Variants in OLA1 observed in about 807,000 individuals in gnomAD.
The protein encoded by OLA1 is Obg like ATPase 1, also known as obg-like ATPase 1.
A neutral mutation model predicts 48.4 loss-of-function variants in OLA1; 14 were observed. The observed-to-expected ratio is 0.29, with a 90% CI of 0.19 to 0.45. The LOEUF (loss-of-function observed/expected upper bound fraction) is 0.45. Among genes scored for constraint, OLA1 ranks in the 20% least tolerant of loss-of-function variants. The pLI, the probability that OLA1 is intolerant of heterozygous loss-of-function variation, is 1.00. For missense variants in OLA1, 325 were observed against 467.1 expected, an observed-to-expected ratio of 0.70 and a Z score of 2.80; for synonymous variants, 127 against 150.4, an observed-to-expected ratio of 0.84 and a Z score of 1.14.
chr2:174,185,452 A>G (rs1440238997), intron 4 of OLA1, among the ~76,000 whole-genome samples: 5 of 152,192 alleles, frequency 3.3e-5, no homozygotes, highest in Non-Finnish European at 5.9e-5. Context: ...TCATCTAGAA[A>G]TCTATAAATA....
At chr2:174,112,418 T>C (rs1352483870) in intron 7 of OLA1, among the ~76,000 whole-genome samples, 1 of 152,188 alleles carries the variant, frequency 6.6e-6, no homozygotes, top group Non-Finnish European at 1.5e-5. Flanking sequence ...AAGTGTGAAG[T>C]GTTGACTGAA....
Position 174,079,061 on chromosome 2 carries a change from T to C in OLA1, c.996A>G (p.Gly332=). Residue 332 remains glycine (G), a synonymous_variant, in exon 10 of 11, where the codon GGA becomes GGG. Coordinates refer to ENST00000284719, the MANE Select transcript of OLA1 (RefSeq NM_013341.5). The part of the protein sequence containing the change: ...RKGTKAPQAA[G]KIHTDFEKGF... ...CCTTTTCAAAATCTGTGTGAATCTTTCCTGCAGCCTGAGGAGCCTTAGTCC... is the reference window on the plus strand; with the variant it reads ...CCTTTTCAAAATCTGTGTGAATCTTCCCTGCAGCCTGAGGAGCCTTAGTCC... 1.2e-6 allele frequency: 2 copies of C among 1,604,030 alleles called. No individual in the cohort carries two copies. Among genetic ancestry groups the C allele is most frequent in the Non-Finnish European group, 1.7e-6 (2 of 1,175,246 alleles).
Position 174,123,168 on chromosome 2 carries a change from G to T in OLA1, c.728+12C>A, listed in dbSNP as rs1685957288. 3.8e-6 allele frequency: 5 copies of T among 1,329,100 alleles called. No individual in the cohort carries two copies. Among genetic ancestry groups the T allele is most frequent in the Non-Finnish European group, 5.4e-6 (5 of 926,238 alleles). 82.3% of individuals were successfully genotyped at this position (1,329,100 alleles called of 1,614,324 possible). On this transcript the variant is annotated intron_variant, in intron 7 of 10. Coordinates refer to ENST00000284719, the MANE Select transcript of OLA1 (RefSeq NM_013341.5). ...TGATGCATCTGGGTATATCTGGTGA[G>T]GAAAAACTTACCATTTGTTTTTCTT...
At chr2:174,228,089 G>A (rs1316757328) in intron 3 of OLA1, among the ~76,000 whole-genome samples, 1 of 152,084 alleles carries the variant, frequency 6.6e-6, no homozygotes, top group African/African-American at 2.4e-5. Flanking sequence ...AAATCAAGAG[G>A]TCATTTTGGA....
chr2:174,172,064 G>C (rs1374629569), intron 4 of OLA1: 2 of 206,640 alleles, frequency 9.7e-6, no homozygotes, highest in Non-Finnish European at 2.1e-5. Context: ...AAAGGATATG[G>C]ATTCATCAAC....
intron 7 of OLA1, among the ~76,000 whole-genome samples, chr2:174,082,460 C>T (rs1489888210): frequency 6.6e-6 from 1 of 152,046 alleles, no homozygotes; most frequent in Non-Finnish European, 1.5e-5. Context: ...AGGAATCATA[C>T]CTAAAAATAC....
chr2:174,215,210 C>G (rs992829229), intron 4 of OLA1, among the ~76,000 whole-genome samples: 4 of 152,116 alleles, frequency 2.6e-5, no homozygotes, highest in African/African-American at 9.7e-5. Context: ...TGAAAGTGTT[C>G]TGTAGCCATA....
At chr2:174,216,904 T>A (rs994634515) in intron 4 of OLA1, among the ~76,000 whole-genome samples, 1 of 152,186 alleles carries the variant, frequency 6.6e-6, no homozygotes, top group African/African-American at 2.4e-5. Flanking sequence ...GAATATAGAA[T>A]ATAAATATAT....
chr2:174,078,872 A>G, intron 10 of OLA1, 96 bp downstream of exon 10: 1 of 1,264,880 alleles, frequency 7.9e-7, no homozygotes, highest in Non-Finnish European at 1.1e-6. Context: ...TTTAGACTAC[A>G]CTCAGTTTAA....
intron 4 of OLA1, among the ~76,000 whole-genome samples, chr2:174,142,768 T>A (rs1267907172): frequency 6.6e-6 from 1 of 152,196 alleles, no homozygotes; most frequent in African/African-American, 2.4e-5. Flanking sequence ...TGTGGCAACA[T>A]AATTCAACTG....
chr2:174,106,007 A>C (rs1685507692), intron 7 of OLA1, among the ~76,000 whole-genome samples: 1 of 112,596 alleles, frequency 8.9e-6, no homozygotes, highest in African/African-American at 3.3e-5. Flanking sequence ...TCAACTGCTT[A>C]ACCAATACTT....
At chr2:174,126,445 G>T (rs78012764) in intron 5 of OLA1, among the ~76,000 whole-genome samples, 130 of 152,142 alleles carry the variant, frequency 8.5e-4, no homozygotes, top group Non-Finnish European at 1.5e-3. Flanking sequence ...GGCTGTTTTG[G>T]TAACTTTAAC....
rs146369961 is a variant in OLA1 at position 174,108,790 on chromosome 2, G to T, written c.728+14390C>A. 3.8e-3 allele frequency among the ~76,000 whole-genome samples: 576 copies of T among 152,248 alleles called. 2 individuals are homozygous for T. The highest frequency in any genetic ancestry group is 0.013 in the African/African-American group (548 of 41,558). ...TCACTTATTAGGATAAAAGCACAAG[G>T]AAGGTAATCAAGGACATATGTAACA... On this transcript the variant is annotated intron_variant, in intron 7 of 10. Transcript: ENST00000284719.
chr2:174,223,631 A>G (rs1024449368), intron 3 of OLA1, among the ~76,000 whole-genome samples: 4 of 152,162 alleles, frequency 2.6e-5, no homozygotes, highest in African/African-American at 9.7e-5. Flanking sequence ...AGCCCACTTT[A>G]CAGATAAGGA....
rs78094973 is a variant in OLA1 at position 174,085,680 on chromosome 2, C to G, written c.729-3616G>C. ...CTTGTGATCTGACTTTCTTAGCCAG[C>G]CTTAAAATTCCAGATGCCAAAACTT... On this transcript the variant is annotated intron_variant, in intron 7 of 10. Transcript: ENST00000284719. Among the ~76,000 whole-genome samples, 310 of 152,258 alleles carry G rather than the reference C, an allele frequency of 2.0e-3. 2 individuals carry two copies. Among genetic ancestry groups the G allele is most frequent in the African/African-American group, 7.1e-3 (297 of 41,552 alleles).
At chr2:174,224,681 G>C (rs1370133333) in intron 3 of OLA1, among the ~76,000 whole-genome samples, 1 of 152,168 alleles carries the variant, frequency 6.6e-6, no homozygotes, top group Non-Finnish European at 1.5e-5. Context: ...CTGTTAAATA[G>C]AAGCTCATCA....
intron 6 of OLA1, 135 bp downstream of exon 6, chr2:174,123,460 G>T: frequency 1.6e-6 from 1 of 627,834 alleles, no homozygotes; most frequent in Non-Finnish European, 2.7e-6. Flanking sequence ...AAAATAACAA[G>T]CCCAGGAATA....
intron 4 of OLA1, among the ~76,000 whole-genome samples, chr2:174,218,179 A>AT (rs112455929): frequency 7.2e-4 from 109 of 150,416 alleles, no homozygotes; most frequent in African/African-American, 2.4e-3. Context: ...CTGGCTTTGA[A>AT]TTTTTTTTTT....
At chr2:174,147,282 C>T (rs1028998192) in intron 4 of OLA1, among the ~76,000 whole-genome samples, 2 of 152,000 alleles carry the variant, frequency 1.3e-5, no homozygotes, top group African/African-American at 4.8e-5. Context: ...CAAAACTAGC[C>T]GGGCATGGTG....
Sources: allele counts gnomAD v4.1 joint callset (sites outside exome capture counted in the v4.1 genomes callset), GRCh38; gene constraint gnomAD v4.1.1; transcripts MANE v1.5; gene names NCBI Gene and HGNC (gene_info 2026-07-23, HGNC 2026-07-21).